The following ZHX2 variants were observed in gnomAD, a reference collection of about 807,000 sequenced individuals.
The protein encoded by ZHX2 is zinc fingers and homeoboxes 2, also known as zinc fingers and homeoboxes protein 2.
Under a neutral mutation model 21.9 loss-of-function variants are expected in ZHX2, and 6 were observed. The observed-to-expected ratio is 0.27, with a 90% confidence interval of 0.15 to 0.54. ZHX2 has a LOEUF of 0.54. ZHX2 is among the 20% of genes least tolerant of loss of function. The pLI, the probability that ZHX2 is intolerant of heterozygous loss-of-function variation, is 0.95. For missense variants in ZHX2, 908 were observed against 1,090.7 expected, an observed-to-expected ratio of 0.83 and a Z score of 2.36; for synonymous variants, 434 against 437.1, an observed-to-expected ratio of 0.99 and a Z score of 0.09.
At chr8:122,927,360 T>G (rs573586878) in intron 2 of ZHX2, among the ~76,000 whole-genome samples, 2 of 152,130 alleles carry the variant, frequency 1.3e-5, no homozygotes, top group Non-Finnish European at 2.9e-5. Flanking sequence ...CCAGGCATGG[T>G]GGCATATGCC....
chr8:122,852,692 A>G (rs891686425), intron 1 of ZHX2, among the ~76,000 whole-genome samples: 1 of 152,160 alleles, frequency 6.6e-6, no homozygotes, highest in African/African-American at 2.4e-5. Context: ...GTTTTGAGTC[A>G]TGGGCGTGAA....
chr8:122,878,794 T>C (rs1819629542), intron 2 of ZHX2, among the ~76,000 whole-genome samples: 2 of 152,188 alleles, frequency 1.3e-5, no homozygotes, highest in South Asian at 2.1e-4. Context: ...TGATGAAACC[T>C]TCAAGCCACA....
At chr8:122,847,108 A>G (rs1818769081) in intron 1 of ZHX2, among the ~76,000 whole-genome samples, 1 of 152,140 alleles carries the variant, frequency 6.6e-6, no homozygotes, top group East Asian at 1.9e-4. Context: ...AGTGGAATCA[A>G]TTTCAAGTTG....
chr8:122,805,544 C>T (rs527876939), intron 1 of ZHX2, among the ~76,000 whole-genome samples: 1 of 152,296 alleles, frequency 6.6e-6, no homozygotes, highest in Admixed American at 6.5e-5. Context: ...AAAGGAACAC[C>T]TCATGAAGAT....
At chr8:122,795,560 T>C (rs909863464) in intron 1 of ZHX2, among the ~76,000 whole-genome samples, 7 of 150,466 alleles carry the variant, frequency 4.7e-5, no homozygotes, top group African/African-American at 1.7e-4. Context: ...TTTTTTTTTT[T>C]AATAGAGTCT....
chr8:122,834,658 C>G (rs1586307676), intron 1 of ZHX2, among the ~76,000 whole-genome samples: 1 of 152,226 alleles, frequency 6.6e-6, no homozygotes, highest in East Asian at 1.9e-4. Flanking sequence ...CATCAAGCTT[C>G]TGAAGCTTGT....
rs1480151680 is a variant in ZHX2, at chr8:122,953,500, A to G, written c.1990A>G (p.Lys664Glu). The G allele has an allele frequency of 6.2e-7, 1 of 1,614,250 alleles. No homozygotes were observed. The highest frequency in any genetic ancestry group is 2.2e-5 in the East Asian group (1 of 44,874). ...TPQEYDQLAAKTGLVRTEIVR... is the reference protein window; with the variant it reads ...TPQEYDQLAAETGLVRTEIVR... ...CCAGGAGTACGACCAGTTAGCGGCC[A>G]AGACTGGCCTGGTCCGAACTGAGAT... The change falls in exon 3 of 4, where the codon AAG becomes GAG. Residue 664 changes from lysine (K) to glutamate (E), a missense_variant. Lys to Glu is a moderately conservative substitution (Grantham distance 56). Transcript: ENST00000314393. The surrounding 1 kb of genome is among the most constrained non-coding windows in gnomAD (Gnocchi z 4.6).
intron 1 of ZHX2, among the ~76,000 whole-genome samples, chr8:122,789,106 G>A (rs1817459357): frequency 6.6e-6 from 1 of 152,216 alleles, no homozygotes; most frequent in Admixed American, 6.5e-5. Flanking sequence ...AGGATGCAGA[G>A]TGGCCTCGCC....
At chr8:122,858,400 G>A (rs375113657) in intron 1 of ZHX2, among the ~76,000 whole-genome samples, 1 of 152,308 alleles carries the variant, frequency 6.6e-6, no homozygotes, top group East Asian at 1.9e-4. Flanking sequence ...TGCTTCCCTG[G>A]TTCGCCCCCT....
intron 3 of ZHX2, among the ~76,000 whole-genome samples, chr8:122,957,900 C>T (rs1284667557): frequency 6.6e-6 from 1 of 152,206 alleles, no homozygotes; most frequent in Non-Finnish European, 1.5e-5. Context: ...AAAATCTCTC[C>T]AAATTGCTTC....
chr8:122,948,870 G>A (rs1813040272), intron 2 of ZHX2, among the ~76,000 whole-genome samples: 1 of 152,114 alleles, frequency 6.6e-6, no homozygotes, highest in Non-Finnish European at 1.5e-5. Flanking sequence ...TTAAGAAAAT[G>A]TAGATTAATA....
At chr8:122,956,454 C>T (rs1358813935) in intron 3 of ZHX2, among the ~76,000 whole-genome samples, 1 of 152,112 alleles carries the variant, frequency 6.6e-6, no homozygotes. Context: ...AGAGGAGGAA[C>T]ACCTAGGTAG....
At chr8:122,861,739 C>T (rs1163003981) in intron 1 of ZHX2, among the ~76,000 whole-genome samples, 3 of 152,212 alleles carry the variant, frequency 2.0e-5, no homozygotes, top group Non-Finnish European at 4.4e-5. Flanking sequence ...CAATTAACCT[C>T]TCTGTTTTCC....
chr8:122,866,580 T>C (rs74754726), intron 2 of ZHX2, among the ~76,000 whole-genome samples: 4,761 of 152,272 alleles, frequency 0.031, 123 homozygotes, highest in Non-Finnish European at 0.047. Context: ...CTAGATTCCT[T>C]TTCCCATCAA....
At chr8:122,851,964 ACG>A (rs756901289) in intron 1 of ZHX2, among the ~76,000 whole-genome samples, 9 of 152,196 alleles carry the variant, frequency 5.9e-5, no homozygotes, top group Admixed American at 1.3e-4. Flanking sequence ...CGTGCTTGCA[ACG>A]TCTGAGCAGA....
At chr8:122,807,916 G>C (rs527552116) in intron 1 of ZHX2, 2 of 152,316 alleles carry the variant, frequency 1.3e-5, no homozygotes, top group African/African-American at 4.8e-5. Context: ...GAATGGTAGA[G>C]GTGAGATCTC....
chr8:122,922,364 C>T (rs1820761386), intron 2 of ZHX2, among the ~76,000 whole-genome samples: 1 of 152,028 alleles, frequency 6.6e-6, no homozygotes, highest in African/African-American at 2.4e-5. Context: ...AAAACTGTTC[C>T]ACCACTAAAT....
chr8:122,849,056 C>T (rs78467235), intron 1 of ZHX2, among the ~76,000 whole-genome samples: 5,613 of 152,320 alleles, frequency 0.037, 140 homozygotes, highest in Non-Finnish European at 0.055. Flanking sequence ...CCTGAATCCA[C>T]TGGTGGCTAC....
At chr8:122,886,783 A>G (rs1249430257) in intron 2 of ZHX2, among the ~76,000 whole-genome samples, 1 of 152,260 alleles carries the variant, frequency 6.6e-6, no homozygotes, top group Non-Finnish European at 1.5e-5. Context: ...TGGAGAGGAT[A>G]TAACAGAAGA....
Sources: allele counts gnomAD v4.1 joint callset (sites outside exome capture counted in the v4.1 genomes callset), GRCh38; gene constraint gnomAD v4.1.1; non-coding constraint Gnocchi (gnomAD v3.1); transcripts MANE v1.5; gene names NCBI Gene and HGNC (gene_info 2026-07-23, HGNC 2026-07-21).